SAMD12: variants seen among roughly 807,000 people sequenced by gnomAD.
SAMD12 encodes the protein sterile alpha motif domain containing 12.
Under a neutral mutation model 15.0 loss-of-function variants are expected in SAMD12, and 9 were observed. That is an observed-to-expected ratio of 0.60 (90% CI 0.36 to 1.05). The LOEUF (loss-of-function observed/expected upper bound fraction) is 1.05. Ranked by LOEUF, SAMD12 falls within the 50% of genes least tolerant of loss-of-function variation. SAMD12 has a pLI of 0.01. For missense variants in SAMD12, 230 were observed against 234.2 expected (o/e 0.98, Z 0.12); for synonymous variants, 86 against 90.1 (o/e 0.96, Z 0.25).
rs1586760425 is a variant in SAMD12, at chr8:118,492,121, C to CTTTTTTTT, written c.193-52161_193-52160insAAAAAAAA. ...CTCCACATCACTGATACTGGTGTTG[C>CTTTTTTTT]CTTTTTTTTTTTTTTTTTAAGTTTT... On this transcript the variant is annotated intron_variant, in intron 2 of 3. Transcript: ENST00000314727. Among the ~76,000 whole-genome samples the CTTTTTTTT allele has an allele frequency of 4.4e-5, 5 of 112,576 alleles. 1 individual carries two copies. Among genetic ancestry groups the CTTTTTTTT allele is most frequent in the Non-Finnish European group, 1.7e-5 (1 of 57,690 alleles). 73.9% of individuals were successfully genotyped at this position (112,576 alleles called of 152,430 possible). A position where few individuals can be genotyped will look rare whatever the true frequency, so the allele number is the denominator to read the frequency against.
At chr8:118,256,779 T>TACACACACACACACACAC (rs3052764) in intron 4 of SAMD12, among the ~76,000 whole-genome samples, 1 of 139,776 alleles carries the variant, frequency 7.2e-6, no homozygotes, top group African/African-American at 2.6e-5. Flanking sequence ...CTGCATAAGA[T>TACACACACACACACACAC]ACACACACAC....
intron 4 of SAMD12, among the ~76,000 whole-genome samples, chr8:118,198,763 A>G (rs942021953): frequency 1.6e-4 from 25 of 152,232 alleles, no homozygotes; most frequent in African/African-American, 6.0e-4. Context: ...TTGTATTGAA[A>G]GCAGAATACT....
At chr8:118,170,427 T>C in the SAMD12 span, among the ~76,000 whole-genome samples, 1 of 152,320 alleles carries the variant, frequency 6.6e-6, no homozygotes. Flanking sequence ...TTTGCAAATT[T>C]CTGGGAACAC....
intron 2 of SAMD12, among the ~76,000 whole-genome samples, chr8:118,572,969 T>C (rs1270985724): frequency 6.6e-6 from 1 of 152,174 alleles, no homozygotes; most frequent in East Asian, 1.9e-4. Flanking sequence ...CAAGATCTGA[T>C]GGTTTTATAA....
At chr8:118,554,671 TATA>T (rs1161556534) in intron 2 of SAMD12, among the ~76,000 whole-genome samples, 1 of 151,322 alleles carries the variant, frequency 6.6e-6, no homozygotes, top group Non-Finnish European at 1.5e-5. Context: ...AAACTTAAAG[TATA>T]ATAATAATAA....
chr8:118,267,827 A>G (rs1813243734), intron 4 of SAMD12, among the ~76,000 whole-genome samples: 1 of 152,128 alleles, frequency 6.6e-6, no homozygotes, highest in Admixed American at 6.5e-5. Context: ...ATGGTGGTTC[A>G]CACCTGTAAT....
chr8:118,190,196 C>G (rs995988913), exon 5 of SAMD12: 1 of 152,098 alleles, frequency 6.6e-6, no homozygotes, highest in Admixed American at 6.6e-5. Context: ...GATTCTCCCC[C>G]ATCCTCCCTT....
chr8:118,279,745 T>G (rs184700423), intron 4 of SAMD12, among the ~76,000 whole-genome samples: 1 of 152,252 alleles, frequency 6.6e-6, no homozygotes. Context: ...AATCTGGACA[T>G]GCATATTTGA....
chr8:118,459,825 C>G (rs965946812), intron 2 of SAMD12, among the ~76,000 whole-genome samples: 1 of 152,202 alleles, frequency 6.6e-6, no homozygotes, highest in South Asian at 2.1e-4. Context: ...ATGCAAGGCA[C>G]TTTGGGATAC....
In SAMD12 at chr8:118,476,292, T is replaced by C. The variant is rs560604851; in HGVS notation, c.193-36331A>G. 2.6e-5 allele frequency among the ~76,000 whole-genome samples: 4 copies of C among 152,292 alleles called. No homozygotes were observed. The South Asian group carries it at 6.2e-4, about 24-fold the overall frequency. Reference sequence around the variant, plus strand: ...TAGGTAAACTGAGCCAGTTCTCACATCCTGGACCATGCAAATAAGAGAAGA... The same window carrying C: ...TAGGTAAACTGAGCCAGTTCTCACACCCTGGACCATGCAAATAAGAGAAGA... On this transcript the variant is annotated intron_variant, in intron 2 of 3. Coordinates refer to ENST00000314727, the MANE Select transcript of SAMD12 (RefSeq NM_207506.3).
rs1249689892 is a variant in SAMD12, at chr8:118,422,326, G to A, written c.322+17506C>T. 2.0e-5 allele frequency among the ~76,000 whole-genome samples: 3 copies of A among 152,234 alleles called. 1 individual carries two copies. Among genetic ancestry groups the A allele is most frequent in the Admixed American group, 2.0e-4 (3 of 15,290 alleles). The stretch of plus-strand genomic sequence containing the variant: ...CATGGAACCAAATAACTTTAATATC[G>A]TGATAAATGTTATAATACTAACAAT... On this transcript the variant is annotated intron_variant, in intron 3 of 3. Coordinates refer to ENST00000314727, the MANE Select transcript of SAMD12 (RefSeq NM_207506.3).
chr8:118,613,541 C>A (rs1351179229), intron 1 of SAMD12, among the ~76,000 whole-genome samples: 5 of 152,092 alleles, frequency 3.3e-5, no homozygotes, highest in Admixed American at 3.3e-4. Context: ...CATTTTTCCC[C>A]AAAATATTTA....
intron 2 of SAMD12, among the ~76,000 whole-genome samples, chr8:118,442,940 A>G (rs952937486): frequency 5.9e-5 from 9 of 152,242 alleles, no homozygotes; most frequent in Non-Finnish European, 1.2e-4. Context: ...GAGGACGCTC[A>G]GCCTCAGCTG....
chr8:118,413,624 T>A (rs910771959), intron 3 of SAMD12, among the ~76,000 whole-genome samples: 2 of 152,170 alleles, frequency 1.3e-5, no homozygotes, highest in African/African-American at 4.8e-5. Flanking sequence ...TTTAACTTAC[T>A]TTTGGGTTTC....
At chr8:118,237,077 C>G (rs1812453228) in intron 4 of SAMD12, among the ~76,000 whole-genome samples, 1 of 152,158 alleles carries the variant, frequency 6.6e-6, no homozygotes, top group South Asian at 2.1e-4. Flanking sequence ...ACCATGTCCA[C>G]AGGATTGGTG....
At chr8:118,283,513 G>A (rs1482718384) in intron 4 of SAMD12, among the ~76,000 whole-genome samples, 1 of 152,190 alleles carries the variant, frequency 6.6e-6, no homozygotes, top group Non-Finnish European at 1.5e-5. Context: ...AACTCTGTAA[G>A]TGGCCTTGTA....
intron 2 of SAMD12, among the ~76,000 whole-genome samples, chr8:118,569,141 C>G (rs1010374357): frequency 1.3e-5 from 2 of 152,112 alleles, no homozygotes; most frequent in African/African-American, 4.8e-5. Context: ...ATCTAAAAAT[C>G]CAAAATCGAA....
At chr8:118,545,828 G>A (rs1432920668) in intron 2 of SAMD12, among the ~76,000 whole-genome samples, 1 of 152,192 alleles carries the variant, frequency 6.6e-6, no homozygotes, top group African/African-American at 2.4e-5. Context: ...GCTTCCACTA[G>A]AGTCTTGGTT....
At chr8:118,381,461 T>C (rs1310658384) in intron 3 of SAMD12, among the ~76,000 whole-genome samples, 1 of 152,214 alleles carries the variant, frequency 6.6e-6, no homozygotes, top group African/African-American at 2.4e-5. Flanking sequence ...TTACCTTACA[T>C]GACAAAAGGG....
Sources: allele counts gnomAD v4.1 joint callset (sites outside exome capture counted in the v4.1 genomes callset), GRCh38; gene constraint gnomAD v4.1.1; transcripts MANE v1.5; gene names NCBI Gene and HGNC (gene_info 2026-07-23, HGNC 2026-07-21).